Variants in AGAP1 observed in about 807,000 individuals in gnomAD.
The protein encoded by AGAP1 is arf-GAP with GTPase, ANK repeat and PH domain-containing protein 1.
AGAP1 carries 29 observed loss-of-function variants against 105.3 expected under a neutral mutation model. The observed-to-expected ratio is 0.28, with a 90% CI of 0.21 to 0.38. The LOEUF (loss-of-function observed/expected upper bound fraction) is 0.38. Among genes scored for constraint, AGAP1 ranks in the 10% least tolerant of loss-of-function variants. The probability of loss-of-function intolerance (pLI) is 1.00; values close to 1 mark genes in which losing one functional copy is unlikely to be tolerated. For synonymous variants in AGAP1, 509 were observed against 485.9 expected (o/e 1.05, Z -0.63); for missense variants, 998 against 1,165.1 (o/e 0.86, Z 2.09).
chr2:236,068,194 C>A (rs1559243633), intron 16 of AGAP1, among the ~76,000 whole-genome samples: 1 of 152,034 alleles, frequency 6.6e-6, no homozygotes, highest in Non-Finnish European at 1.5e-5. Flanking sequence ...TTGCTTGAAT[C>A]CAGGAGGCAG....
intron 6 of AGAP1, among the ~76,000 whole-genome samples, chr2:235,780,445 G>GT (rs1425414767): frequency 6.6e-6 from 1 of 152,152 alleles, no homozygotes; most frequent in Non-Finnish European, 1.5e-5. Flanking sequence ...ATTCTTGGTG[G>GT]TTTTTTATTT....
In AGAP1 at chr2:236,036,797, A is replaced by G. The variant is rs543180747; in HGVS notation, c.1800+82A>G. ...CCCAAGTAATGCCCCAGGGAGGAGA[A>G]AATAGAGGACCAGTGTGAATGACAG... On this transcript the variant is annotated intron_variant, in intron 14 of 17. Coordinates refer to ENST00000304032, the MANE Select transcript of AGAP1 (RefSeq NM_001037131.3). The surrounding 1 kb of genome is among the most constrained non-coding windows in gnomAD (Gnocchi z 5.7). The G allele has an allele frequency of 1.3e-4, 200 of 1,563,930 alleles. No homozygotes were observed. The African/African-American group carries it at 2.2e-3, about 17-fold the overall frequency.
Position 236,096,711 on chromosome 2 carries a change from T to C in AGAP1, c.2115-23481T>C, listed in dbSNP as rs2059200979. ...CTTCTGCCTCGGCCTCCTGAGTAGC[T>C]GGGATTACAGGTGCCCACCACCACA... On this transcript the variant is annotated intron_variant, in intron 16 of 17. Transcript: ENST00000304032. This position sits in a 1 kb window ranked among gnomAD's most constrained non-coding sequence, Gnocchi z 4.4. Among the ~76,000 whole-genome samples, 1 of 151,822 alleles carries C rather than the reference T, an allele frequency of 6.6e-6. No homozygotes were observed. The highest frequency in any genetic ancestry group is 1.5e-5 in the Non-Finnish European group (1 of 67,980).
rs1465324147 is a variant in AGAP1 at position 236,121,051 on chromosome 2, G to A, written c.2370+604G>A. Among the ~76,000 whole-genome samples, 1 of 152,220 alleles carries A rather than the reference G, an allele frequency of 6.6e-6. No individual in the cohort carries two copies. Among genetic ancestry groups the A allele is most frequent in the African/African-American group, 2.4e-5 (1 of 41,460 alleles). On this transcript the variant is annotated intron_variant, in intron 17 of 17. Transcript: ENST00000304032. The surrounding 1 kb of genome is among the most constrained non-coding windows in gnomAD (Gnocchi z 4.9). Reference sequence around the variant, plus strand: ...CACGCCCACTTAGGGGCTGCCTGTGGACCCCTGGGGCTTCTGCTGAGGCAG... The same window carrying A: ...CACGCCCACTTAGGGGCTGCCTGTGAACCCCTGGGGCTTCTGCTGAGGCAG...
At position 235,958,875 on chromosome 2, in the gene AGAP1, G is replaced by A. The variant is rs564784955; in HGVS notation, c.1484-9587G>A. 6.6e-6 allele frequency among the ~76,000 whole-genome samples: 1 copy of A among 152,188 alleles called. No homozygotes were observed. The highest frequency in any genetic ancestry group is 1.5e-5 in the Non-Finnish European group (1 of 68,034). On this transcript the variant is annotated intron_variant, in intron 12 of 17. Coordinates refer to ENST00000304032, the MANE Select transcript of AGAP1 (RefSeq NM_001037131.3). The surrounding 1 kb of genome is among the most constrained non-coding windows in gnomAD (Gnocchi z 4.1). ...GAGTGAAAAGTGAAACTGCTTCTTT[G>A]ACTCATACTTCACGTTCCGAAGCTC...
chr2:235,589,236 G>A (rs924056033), intron 1 of AGAP1, among the ~76,000 whole-genome samples: 2 of 55,248 alleles, frequency 3.6e-5, no homozygotes, highest in African/African-American at 1.1e-4. Flanking sequence ...ACGGAGTTTC[G>A]TTCTTGTTGT....
Position 235,968,449 on chromosome 2 carries a change from G to T in AGAP1, c.1484-13G>T, listed in dbSNP as rs373988327. ...TTTTTTTTTTTTTTTTGCCTTTTCC[G>T]GTCCAATGGCAGACACAGGGCTGGG... is the stretch of plus-strand genomic sequence containing the variant. On this transcript the variant is annotated splice_polypyrimidine_tract_variant and intron_variant, in intron 12 of 17. Coordinates refer to ENST00000304032, the MANE Select transcript of AGAP1 (RefSeq NM_001037131.3). The T allele has an allele frequency of 2.8e-5, 41 of 1,477,620 alleles. No homozygotes were observed. Among genetic ancestry groups the T allele is most frequent in the African/African-American group, 9.2e-5 (6 of 65,344 alleles). The allele number at this position is 1,477,620 out of a possible 1,614,324, so 91.5% of individuals were successfully genotyped here. A position where few individuals can be genotyped will look rare whatever the true frequency, so the allele number is the denominator to read the frequency against.
chr2:235,558,347 G>A (rs954834495), intron 1 of AGAP1, among the ~76,000 whole-genome samples: 1 of 152,084 alleles, frequency 6.6e-6, no homozygotes, highest in Non-Finnish European at 1.5e-5. Flanking sequence ...GGAGACCTCT[G>A]TGTGTCTTTC....
At position 235,612,121 on chromosome 2, in the gene AGAP1, A is replaced by G. The variant is rs1026050598; in HGVS notation, c.164-97058A>G. Among the ~76,000 whole-genome samples, 2 of 152,186 alleles carry G rather than the reference A, an allele frequency of 1.3e-5. No homozygotes were observed. The highest frequency in any genetic ancestry group is 2.9e-5 in the Non-Finnish European group (2 of 68,038). On this transcript the variant is annotated intron_variant, in intron 1 of 17. Coordinates refer to ENST00000304032, the MANE Select transcript of AGAP1 (RefSeq NM_001037131.3). The surrounding 1 kb of genome is among the most constrained non-coding windows in gnomAD (Gnocchi z 4.3). ...GTAATCGTAATCTGAGTGCAATTTC[A>G]GGACTTTGTTTTCCAGATGGCTTAT...
chr2:235,675,545 T>A (rs1948692444), intron 1 of AGAP1, among the ~76,000 whole-genome samples: 1 of 152,194 alleles, frequency 6.6e-6, no homozygotes, highest in South Asian at 2.1e-4. Flanking sequence ...TTGAACTGAT[T>A]AGTCTTTTGT....
At chr2:235,678,850 G>A (rs576427966) in intron 1 of AGAP1, among the ~76,000 whole-genome samples, 96 of 151,944 alleles carry the variant, frequency 6.3e-4, no homozygotes, top group Non-Finnish European at 1.1e-3. Context: ...TCCCACTCCC[G>A]CTCTCCTGCC....
intron 1 of AGAP1, among the ~76,000 whole-genome samples, chr2:235,677,862 A>G (rs1158722477): frequency 1.6e-5 from 2 of 123,638 alleles, no homozygotes; most frequent in Non-Finnish European, 3.2e-5. Flanking sequence ...CGAGAGAAGA[A>G]TATTTATCCA....
intron 6 of AGAP1, among the ~76,000 whole-genome samples, chr2:235,763,373 C>T (rs750653683): frequency 4.6e-5 from 7 of 152,112 alleles, no homozygotes; most frequent in Non-Finnish European, 1.0e-4. Flanking sequence ...GAAACTTTTC[C>T]CACCCTGTGG....
intron 13 of AGAP1, among the ~76,000 whole-genome samples, chr2:236,007,590 A>G (rs1206355159): frequency 1.3e-5 from 2 of 152,250 alleles, no homozygotes; most frequent in Non-Finnish European, 2.9e-5. Flanking sequence ...CACAATTTGG[A>G]GTTTTATTAA....
At chr2:235,704,914 T>TG (rs1266105860) in intron 1 of AGAP1, among the ~76,000 whole-genome samples, 1 of 149,808 alleles carries the variant, frequency 6.7e-6, no homozygotes, top group African/African-American at 2.5e-5. Flanking sequence ...GTCTAGTTCT[T>TG]GGGAAGGATC....
intron 1 of AGAP1, among the ~76,000 whole-genome samples, chr2:235,675,348 G>A (rs550293603): frequency 9.2e-5 from 14 of 152,020 alleles, no homozygotes; most frequent in African/African-American, 2.6e-4. Context: ...CCGCCACCAC[G>A]CCCGGCTAAT....
intron 1 of AGAP1, among the ~76,000 whole-genome samples, chr2:235,546,816 C>G (rs1341817820): frequency 6.6e-6 from 1 of 152,128 alleles, no homozygotes; most frequent in African/African-American, 2.4e-5. Flanking sequence ...CCTTGGTAGT[C>G]ATTAGTTTCT....
At chr2:236,106,806 G>A (rs2059508109) in intron 16 of AGAP1, among the ~76,000 whole-genome samples, 1 of 152,184 alleles carries the variant, frequency 6.6e-6, no homozygotes, top group Admixed American at 6.5e-5. Flanking sequence ...CTGGCTTCCT[G>A]ATGGGGACCC....
At chr2:235,677,445 T>A (rs1166398771) in intron 1 of AGAP1, among the ~76,000 whole-genome samples, 5 of 152,040 alleles carry the variant, frequency 3.3e-5, no homozygotes. Context: ...TCTGTGGGAG[T>A]GGAAGGGAAA....
Sources: allele counts gnomAD v4.1 joint callset (sites outside exome capture counted in the v4.1 genomes callset), GRCh38; gene constraint gnomAD v4.1.1; non-coding constraint Gnocchi (gnomAD v3.1); transcripts MANE v1.5; gene names NCBI Gene and HGNC (gene_info 2026-07-23, HGNC 2026-07-21).